CNTNAP2: variants seen among roughly 807,000 people sequenced by gnomAD.
CNTNAP2 encodes contactin associated protein 2.
A neutral mutation model predicts 155.2 loss-of-function variants in CNTNAP2; 98 were observed. That is an observed-to-expected ratio of 0.63 (90% CI 0.54 to 0.75). The LOEUF is 0.75. Among genes scored for constraint, CNTNAP2 ranks in the 30% least tolerant of loss-of-function variants. CNTNAP2 has a pLI of 0.00. For synonymous variants in CNTNAP2, 651 were observed against 631.2 expected, an observed-to-expected ratio of 1.03 and a Z score of -0.47; for missense variants, 1,727 against 1,688.1, an observed-to-expected ratio of 1.02 and a Z score of -0.40.
At chr7:148,194,740 T>C (rs1795249423) in intron 18 of CNTNAP2, among the ~76,000 whole-genome samples, 5 of 152,078 alleles carry the variant, frequency 3.3e-5, no homozygotes, top group Admixed American at 2.6e-4. Flanking sequence ...AGAAGAAGGA[T>C]GTCCCAGCTC....
chr7:147,273,785 A>G (rs1364132485), intron 8 of CNTNAP2, among the ~76,000 whole-genome samples: 1 of 146,820 alleles, frequency 6.8e-6, no homozygotes, highest in Non-Finnish European at 1.5e-5. Context: ...ATTTATATCT[A>G]TTTTATATAT....
At chr7:147,963,734 C>T (rs147593006) in intron 14 of CNTNAP2, among the ~76,000 whole-genome samples, 19 of 152,180 alleles carry the variant, frequency 1.2e-4, no homozygotes, top group African/African-American at 3.1e-4. Flanking sequence ...GATAAGCCAA[C>T]GATGCTGTTT....
intron 13 of CNTNAP2, among the ~76,000 whole-genome samples, chr7:147,643,089 C>CAA (rs1795310201): frequency 6.6e-6 from 1 of 152,076 alleles, no homozygotes; most frequent in Admixed American, 6.6e-5. Context: ...AACAAACACC[C>CAA]ATGGGTAATT....
intron 17 of CNTNAP2, among the ~76,000 whole-genome samples, chr7:148,162,734 A>C (rs1585160098): frequency 6.6e-6 from 1 of 152,192 alleles, no homozygotes; most frequent in Non-Finnish European, 1.5e-5. Context: ...AGGGGCTCAC[A>C]CCTGTGATCC....
chr7:147,449,352 C>T (rs1030552213), intron 10 of CNTNAP2, among the ~76,000 whole-genome samples: 6 of 152,132 alleles, frequency 3.9e-5, no homozygotes, highest in African/African-American at 1.4e-4. Flanking sequence ...GCAACGTTCT[C>T]ATCTAGTGTG....
chr7:146,957,886 A>T (rs1294235491), intron 3 of CNTNAP2, among the ~76,000 whole-genome samples: 4 of 152,228 alleles, frequency 2.6e-5, no homozygotes, highest in Non-Finnish European at 5.9e-5. Flanking sequence ...GGACTTATCA[A>T]GAATGATAAT....
intron 1 of CNTNAP2, among the ~76,000 whole-genome samples, chr7:146,392,600 C>T (rs1242426653): frequency 1.3e-5 from 2 of 152,184 alleles, no homozygotes; most frequent in Non-Finnish European, 1.5e-5. Context: ...ACTAAATGCT[C>T]ATTCTGGTAA....
At chr7:146,545,624 G>T (rs1380921219) in intron 1 of CNTNAP2, among the ~76,000 whole-genome samples, 1 of 151,782 alleles carries the variant, frequency 6.6e-6, no homozygotes, top group Non-Finnish European at 1.5e-5. Flanking sequence ...AGTTTGCTGA[G>T]AATGATGGTT....
At chr7:147,320,311 A>G (rs73742548) in intron 9 of CNTNAP2, among the ~76,000 whole-genome samples, 8,346 of 152,286 alleles carry the variant, frequency 0.055, 291 homozygotes, top group African/African-American at 0.1. Context: ...TTGCAAAGCA[A>G]GCTGGGAAAT....
intron 1 of CNTNAP2, among the ~76,000 whole-genome samples, chr7:146,325,876 A>G (rs938155552): frequency 3.3e-5 from 5 of 152,180 alleles, no homozygotes; most frequent in African/African-American, 1.2e-4. Context: ...TGATATGATG[A>G]CATCAGACAT....
intron 11 of CNTNAP2, among the ~76,000 whole-genome samples, chr7:147,552,623 A>C (rs1335737730): frequency 6.6e-6 from 1 of 151,318 alleles, no homozygotes; most frequent in Non-Finnish European, 1.5e-5. Context: ...TATAAATAAG[A>C]AAAATCTACA....
At chr7:146,566,938 C>T (rs559693185) in intron 1 of CNTNAP2, among the ~76,000 whole-genome samples, 1 of 151,992 alleles carries the variant, frequency 6.6e-6, no homozygotes, top group South Asian at 2.1e-4. Flanking sequence ...TATTTATTTA[C>T]TTATTTATTT....
chr7:147,967,285 T>C (rs1408929997), intron 14 of CNTNAP2, among the ~76,000 whole-genome samples: 1 of 152,234 alleles, frequency 6.6e-6, no homozygotes, highest in Non-Finnish European at 1.5e-5. Context: ...TTTTATATCA[T>C]TTAAAGGAAA....
intron 1 of CNTNAP2, among the ~76,000 whole-genome samples, chr7:146,605,128 C>T (rs1224746608): frequency 1.3e-5 from 2 of 150,264 alleles, no homozygotes; most frequent in East Asian, 2.0e-4. Flanking sequence ...ATCTTCCCGC[C>T]TTTTACACTG....
At chr7:148,018,509 C>A (rs181847357) in intron 15 of CNTNAP2, among the ~76,000 whole-genome samples, 2 of 152,192 alleles carry the variant, frequency 1.3e-5, no homozygotes, top group Admixed American at 6.5e-5. Context: ...CACAATGAAC[C>A]AGAAGTGTAT....
Position 147,321,377 on chromosome 7 carries a change from C to T in CNTNAP2, c.1498+21087C>T, listed in dbSNP as rs144353711. ...ACTTCCTTCTAAAGCTGCCTCTTGG[C>T]AGCTGTGGTTTAGACTTACACCATA... On this transcript the variant is annotated intron_variant, in intron 9 of 23. Transcript: ENST00000361727. Among the ~76,000 whole-genome samples, 3 of 152,318 alleles carry T rather than the reference C, an allele frequency of 2.0e-5. No individual in the cohort carries two copies. The East Asian group carries it at 5.8e-4, about 29-fold the overall frequency.
At chr7:146,929,721 A>T (rs1796702766) in intron 3 of CNTNAP2, among the ~76,000 whole-genome samples, 1 of 152,222 alleles carries the variant, frequency 6.6e-6, no homozygotes, top group East Asian at 1.9e-4. Context: ...TAACTAGAAT[A>T]ACCAATACAG....
chr7:147,245,409 C>G (rs1045489446), intron 8 of CNTNAP2, among the ~76,000 whole-genome samples: 2 of 152,052 alleles, frequency 1.3e-5, no homozygotes, highest in African/African-American at 4.8e-5. Flanking sequence ...CCCCCTCAAT[C>G]CACCTCAGCC....
intron 4 of CNTNAP2, among the ~76,000 whole-genome samples, chr7:147,072,580 G>A (rs1165231069): frequency 6.6e-6 from 1 of 152,044 alleles, no homozygotes. Flanking sequence ...GTAGCAGAGT[G>A]GAAATATCTG....
Sources: gnomAD v4.1 joint callset for allele counts (sites outside exome capture counted in the v4.1 genomes callset) on GRCh38, gnomAD v4.1.1 for gene constraint, MANE v1.5 for transcripts, NCBI Gene and HGNC (gene_info 2026-07-23, HGNC 2026-07-21) for gene names.